The following GHR variants were observed in gnomAD, a reference collection of about 807,000 sequenced individuals.
GHR encodes the protein growth hormone receptor.
A neutral mutation model predicts 67.1 loss-of-function variants in GHR; 35 were observed. The observed-to-expected ratio is 0.52, with a 90% CI of 0.40 to 0.69. The LOEUF (loss-of-function observed/expected upper bound fraction) is 0.69, where lower values mean the gene tolerates loss of function less well. Among genes scored for constraint, GHR ranks in the 30% least tolerant of loss-of-function variants. The pLI is 0.00. For missense variants in GHR, 792 were observed against 764.6 expected (o/e 1.04, Z -0.42); for synonymous variants, 272 against 269.1 (o/e 1.01, Z -0.10).
chr5:42,501,115 G>A (rs1265864761), intron 1 of GHR, among the ~76,000 whole-genome samples: 1 of 152,132 alleles, frequency 6.6e-6, no homozygotes, highest in African/African-American at 2.4e-5. Flanking sequence ...TTTGGTTCCT[G>A]GCACTGAGAC....
At chr5:42,548,498 C>T (rs376824100) in intron 1 of GHR, 2 of 984,642 alleles carry the variant, frequency 2.0e-6, no homozygotes, top group East Asian at 2.3e-4. Context: ...GAAAATCCAG[C>T]CTCTATTTCA....
intron 1 of GHR, among the ~76,000 whole-genome samples, chr5:42,466,640 T>G (rs1744745881): frequency 6.6e-6 from 1 of 152,218 alleles, no homozygotes; most frequent in South Asian, 2.1e-4. Context: ...TACATTCCAT[T>G]TCAGAAAACA....
intron 2 of GHR, among the ~76,000 whole-genome samples, chr5:42,622,754 T>G (rs1753513344): frequency 6.6e-6 from 1 of 152,164 alleles, no homozygotes; most frequent in African/African-American, 2.4e-5. Flanking sequence ...GCCAGAACAT[T>G]GATTCTCCTA....
intron 1 of GHR, among the ~76,000 whole-genome samples, chr5:42,458,613 C>T (rs1319006090): frequency 6.6e-6 from 1 of 152,058 alleles, no homozygotes; most frequent in African/African-American, 2.4e-5. Context: ...ATGTCAAAAG[C>T]AATTGCAACA....
chr5:42,446,248 G>C (rs1743800774), intron 1 of GHR, among the ~76,000 whole-genome samples: 2 of 152,154 alleles, frequency 1.3e-5, no homozygotes, highest in South Asian at 4.1e-4. Context: ...ACAGTGGGAG[G>C]AGTTATGAGA....
intron 2 of GHR, among the ~76,000 whole-genome samples, chr5:42,623,239 A>G (rs1478347700): frequency 6.6e-6 from 1 of 152,192 alleles, no homozygotes; most frequent in African/African-American, 2.4e-5. Flanking sequence ...AGACCTAGAT[A>G]CGTGTTTCTG....
intron 1 of GHR, among the ~76,000 whole-genome samples, chr5:42,458,317 A>T (rs571467598): frequency 6.6e-6 from 1 of 152,322 alleles, no homozygotes; most frequent in South Asian, 2.1e-4. Context: ...GAGCCCAGAA[A>T]TAATGCCACA....
intron 1 of GHR, chr5:42,468,701 AG>A: frequency 5.1e-6 from 5 of 979,588 alleles, no homozygotes; most frequent in Non-Finnish European, 8.1e-6. Flanking sequence ...TCTGGGTCGC[AG>A]CCTGAGCTGC....
At chr5:42,662,370 G>C (rs544340401) in intron 3 of GHR, among the ~76,000 whole-genome samples, 24 of 152,126 alleles carry the variant, frequency 1.6e-4, no homozygotes, top group African/African-American at 5.8e-4. Context: ...GCTCTCCTCA[G>C]CAAATGGAAA....
chr5:42,634,338 T>C (rs955171209), intron 3 of GHR, among the ~76,000 whole-genome samples: 2 of 152,186 alleles, frequency 1.3e-5, no homozygotes, highest in East Asian at 1.9e-4. Flanking sequence ...ATGTCAACTC[T>C]ATATTGGACC....
chr5:42,698,217 T>C (rs1296892291), intron 5 of GHR, among the ~76,000 whole-genome samples: 2 of 151,994 alleles, frequency 1.3e-5, no homozygotes, highest in African/African-American at 4.8e-5. Flanking sequence ...AAAGGAGAGG[T>C]CATTATTATG....
chr5:42,505,130 T>C (rs1370102554), intron 1 of GHR, among the ~76,000 whole-genome samples: 2 of 151,580 alleles, frequency 1.3e-5, no homozygotes, highest in African/African-American at 4.8e-5. Flanking sequence ...CTGTTTTTTT[T>C]TTTTTTTCTT....
intron 6 of GHR, among the ~76,000 whole-genome samples, chr5:42,707,841 T>C (rs540518841): frequency 2.0e-5 from 3 of 152,238 alleles, no homozygotes; most frequent in East Asian, 3.9e-4. Flanking sequence ...TCTTTTTATA[T>C]TGCATATTTC....
At chr5:42,572,202 G>A (rs1407980699) in intron 2 of GHR, among the ~76,000 whole-genome samples, 19 of 152,124 alleles carry the variant, frequency 1.2e-4, no homozygotes. Flanking sequence ...AGGCAGGCCA[G>A]GGTCATCAAT....
chr5:42,445,660 A>G (rs1258746585), intron 1 of GHR, among the ~76,000 whole-genome samples: 1 of 152,260 alleles, frequency 6.6e-6, no homozygotes, highest in East Asian at 1.9e-4. Context: ...ATTCATAAAT[A>G]TCAAGAGAGA....
chr5:42,664,539 A>G (rs2112877780), intron 3 of GHR, among the ~76,000 whole-genome samples: 1 of 152,352 alleles, frequency 6.6e-6, no homozygotes, highest in East Asian at 1.9e-4. Context: ...CTGGCTAGCC[A>G]TATGTAGAAA....
chr5:42,500,128 T>G (rs1028684336), intron 1 of GHR, among the ~76,000 whole-genome samples: 2 of 152,222 alleles, frequency 1.3e-5, no homozygotes, highest in African/African-American at 4.8e-5. Flanking sequence ...CCTTCCTTCA[T>G]GGCAGCCCTG....
At position 42,671,839 on chromosome 5, in the gene GHR, C is replaced by G. The variant is rs541719274; in HGVS notation, c.137-17051C>G. 1.4e-3 allele frequency among the ~76,000 whole-genome samples: 212 copies of G among 151,420 alleles called. 1 individual carries two copies. Among genetic ancestry groups the G allele is most frequent in the Middle Eastern group, 0.01 (3 of 292 alleles). On this transcript the variant is annotated intron_variant, in intron 3 of 9. Transcript: ENST00000230882. ...GGCGTAGGGGCGGGCGCCTGTAGTC[C>G]CAGCTACTTGGGAGGCTGAGGCAGG...
At chr5:42,634,929 A>C (rs960984659) in intron 3 of GHR, among the ~76,000 whole-genome samples, 1 of 152,098 alleles carries the variant, frequency 6.6e-6, no homozygotes, top group Non-Finnish European at 1.5e-5. Context: ...AACTAAATTA[A>C]GTATAACATA....
Sources: allele counts gnomAD v4.1 joint callset (sites outside exome capture counted in the v4.1 genomes callset), GRCh38; gene constraint gnomAD v4.1.1; transcripts MANE v1.5; gene names NCBI Gene and HGNC (gene_info 2026-07-23, HGNC 2026-07-21).